The following KIRREL3 variants were observed in gnomAD, a reference collection of about 807,000 sequenced individuals.
KIRREL3 encodes kin of IRRE-like protein 3.
Under a neutral mutation model 89.7 loss-of-function variants are expected in KIRREL3, and 36 were observed. That is an observed-to-expected ratio of 0.40 (90% CI 0.31 to 0.53). The LOEUF (loss-of-function observed/expected upper bound fraction) is 0.53, where lower values mean the gene tolerates loss of function less well. Among genes scored for constraint, KIRREL3 ranks in the 20% least tolerant of loss-of-function variants. KIRREL3 has a pLI of 0.49. For synonymous variants in KIRREL3, 445 were observed against 441.4 expected (o/e 1.01, Z -0.10); for missense variants, 864 against 1,056.6 (o/e 0.82, Z 2.53).
chr11:126,889,720 G>A (rs1945837886), intron 1 of KIRREL3, among the ~76,000 whole-genome samples: 1 of 152,144 alleles, frequency 6.6e-6, no homozygotes. Context: ...TTGTAGACAA[G>A]GAGAACTCAC....
chr11:126,686,616 G>C lies in KIRREL3; in HGVS notation c.56-123704C>G, dbSNP rs527904709. On this transcript the variant is annotated intron_variant, in intron 1 of 16. Transcript: ENST00000525144. The surrounding 1 kb of genome is among the most constrained non-coding windows in gnomAD (Gnocchi z 4.7). ...TAATTTTGAGACAGAGTCTCACTGTGTGGCACAGGCTGGAGTGCAGTGGCG... is the reference window on the plus strand; with the variant it reads ...TAATTTTGAGACAGAGTCTCACTGTCTGGCACAGGCTGGAGTGCAGTGGCG... Among the ~76,000 whole-genome samples the C allele has an allele frequency of 6.6e-6, 1 of 152,274 alleles. No individual in the cohort carries two copies. The highest frequency in any genetic ancestry group is 1.9e-4 in the East Asian group (1 of 5,172).
chr11:126,590,059 A>G (rs1161647650), intron 1 of KIRREL3, among the ~76,000 whole-genome samples: 1 of 152,204 alleles, frequency 6.6e-6, no homozygotes, highest in African/African-American at 2.4e-5. Context: ...TCTGGCTTTC[A>G]TTGTTGAGCA....
In KIRREL3 at chr11:126,898,249, A is replaced by C. The variant is rs1427450175; in HGVS notation, c.55+102206T>G. Among the ~76,000 whole-genome samples the C allele has an allele frequency of 6.6e-6, 1 of 152,212 alleles. No individual in the cohort carries two copies. The highest frequency in any genetic ancestry group is 1.5e-5 in the Non-Finnish European group (1 of 68,044). ...TATGCCAATTAGGTTAGCAAGAATT[A>C]GAAAACTGAAGGATACCAAGGACTG... is the stretch of plus-strand genomic sequence containing the variant. On this transcript the variant is annotated intron_variant, in intron 1 of 16. Transcript: ENST00000525144. The surrounding 1 kb of genome is among the most constrained non-coding windows in gnomAD (Gnocchi z 4.9).
At chr11:126,567,051 G>A (rs1940570035) in intron 1 of KIRREL3, among the ~76,000 whole-genome samples, 1 of 152,220 alleles carries the variant, frequency 6.6e-6, no homozygotes, top group Non-Finnish European at 1.5e-5. Flanking sequence ...AGACAGACCA[G>A]AGACTAGAGC....
chr11:126,533,179 A>G (rs973169255), intron 2 of KIRREL3, among the ~76,000 whole-genome samples: 1 of 152,218 alleles, frequency 6.6e-6, no homozygotes, highest in East Asian at 1.9e-4. Flanking sequence ...TTGACTCACT[A>G]AAGAGTCCTA....
At chr11:126,448,778 G>C (rs1414709519) in intron 8 of KIRREL3, among the ~76,000 whole-genome samples, 1 of 152,174 alleles carries the variant, frequency 6.6e-6, no homozygotes, top group Non-Finnish European at 1.5e-5. Flanking sequence ...CGAGTCTATG[G>C]TAACGTGTCA....
chr11:126,601,602 G>A lies in KIRREL3; in HGVS notation c.56-38690C>T, dbSNP rs190220782. On this transcript the variant is annotated intron_variant, in intron 1 of 16. Coordinates refer to ENST00000525144, the MANE Select transcript of KIRREL3 (RefSeq NM_032531.4). This position sits in a 1 kb window ranked among gnomAD's most constrained non-coding sequence, Gnocchi z 5.8. ...CAGAAGTCTTCTACCTCAACACTCC[G>A]CCAGGTTTTCTCCTTATGGCACCTG... is the stretch of plus-strand genomic sequence containing the variant. 2.0e-5 allele frequency among the ~76,000 whole-genome samples: 3 copies of A among 152,220 alleles called. No individual in the cohort carries two copies. The highest frequency in any genetic ancestry group is 4.4e-5 in the Non-Finnish European group (3 of 68,014).
In KIRREL3 at chr11:126,611,164, G is replaced by A. The variant is rs1328537336; in HGVS notation, c.56-48252C>T. Among the ~76,000 whole-genome samples, 3 of 152,168 alleles carry A rather than the reference G, an allele frequency of 2.0e-5. No homozygotes were observed. The highest frequency in any genetic ancestry group is 7.2e-5 in the African/African-American group (3 of 41,426). On this transcript the variant is annotated intron_variant, in intron 1 of 16. Transcript: ENST00000525144. This position sits in a 1 kb window ranked among gnomAD's most constrained non-coding sequence, Gnocchi z 4.7. ...GTCACAAAGACCTAATCTGGGAGGT[G>A]GGAATAGTCATAGAAAAAGGATCGT...
rs1048856234 is a variant in KIRREL3, at chr11:126,989,214, T to A, written c.55+11241A>T. On this transcript the variant is annotated intron_variant, in intron 1 of 16. Coordinates refer to ENST00000525144, the MANE Select transcript of KIRREL3 (RefSeq NM_032531.4). This position sits in a 1 kb window ranked among gnomAD's most constrained non-coding sequence, Gnocchi z 6.2. ...TGCAAAACTTATGCAAAAAGTTTTC[T>A]TTTCTACAAGAGATGCTGAAGAAGT... is the stretch of plus-strand genomic sequence containing the variant. Among the ~76,000 whole-genome samples the A allele has an allele frequency of 6.6e-6, 1 of 152,186 alleles. No individual in the cohort carries two copies. The highest frequency in any genetic ancestry group is 1.5e-5 in the Non-Finnish European group (1 of 68,024).
At chr11:126,798,899 G>C (rs1396902594) in intron 1 of KIRREL3, among the ~76,000 whole-genome samples, 1 of 152,216 alleles carries the variant, frequency 6.6e-6, no homozygotes, top group Non-Finnish European at 1.5e-5. Context: ...CTCAGTTTCT[G>C]CATCTGCAAA....
At position 126,459,624 on chromosome 11, in the gene KIRREL3, T is replaced by A. The variant is rs1372127441; in HGVS notation, c.743-3170A>T. On this transcript the variant is annotated intron_variant, in intron 6 of 16. Coordinates refer to ENST00000525144, the MANE Select transcript of KIRREL3 (RefSeq NM_032531.4). This position sits in a 1 kb window ranked among gnomAD's most constrained non-coding sequence, Gnocchi z 4.8. ...TCACTTGTGATGTCGGCAGCATAAC[T>A]TGCAGGAGGGCAGCTTTGATGTAGC... Among the ~76,000 whole-genome samples, 1 of 152,220 alleles carries A rather than the reference T, an allele frequency of 6.6e-6. No homozygotes were observed. Among genetic ancestry groups the A allele is most frequent in the Non-Finnish European group, 1.5e-5 (1 of 68,044 alleles).
rs940766889 is a variant in KIRREL3 at position 126,519,875 on chromosome 11, C to G, written c.433+1440G>C. Among the ~76,000 whole-genome samples, 5 of 152,204 alleles carry G rather than the reference C, an allele frequency of 3.3e-5. No individual in the cohort carries two copies. Among genetic ancestry groups the G allele is most frequent in the African/African-American group, 1.2e-4 (5 of 41,456 alleles). On this transcript the variant is annotated intron_variant, in intron 4 of 16. Coordinates refer to ENST00000525144, the MANE Select transcript of KIRREL3 (RefSeq NM_032531.4). The surrounding 1 kb of genome is among the most constrained non-coding windows in gnomAD (Gnocchi z 4.3). Reference sequence around the variant, plus strand: ...CTTGGGAGAAATGAGAACGGCGCTGCTGCCTTTAATACCCCAATTACTCCT... The same window carrying G: ...CTTGGGAGAAATGAGAACGGCGCTGGTGCCTTTAATACCCCAATTACTCCT...
rs534758882 is a variant in KIRREL3, at chr11:126,964,786, T to G, written c.55+35669A>C. 3.1e-4 allele frequency among the ~76,000 whole-genome samples: 47 copies of G among 152,302 alleles called. 1 individual carries two copies. In the South Asian group the frequency reaches 8.3e-3, roughly 27 times the overall value. On this transcript the variant is annotated intron_variant, in intron 1 of 16. Coordinates refer to ENST00000525144, the MANE Select transcript of KIRREL3 (RefSeq NM_032531.4). ...GATTTATTGACCCAAGAGGTAAATA[T>G]TGATGGAGGCTCAGGAGGTCAATAT...
At chr11:126,451,218 GGTGT>G (rs757905732) in intron 7 of KIRREL3, among the ~76,000 whole-genome samples, 3 of 139,446 alleles carry the variant, frequency 2.2e-5, no homozygotes, top group Non-Finnish European at 4.7e-5. Flanking sequence ...TGCATGTGTG[GGTGT>G]GTGTATGCAT....
Position 126,563,491 on chromosome 11 carries a change from G to T in KIRREL3, c.56-579C>A, listed in dbSNP as rs1488962989. 6.6e-6 allele frequency among the ~76,000 whole-genome samples: 1 copy of T among 152,172 alleles called. No individual in the cohort carries two copies. Among genetic ancestry groups the T allele is most frequent in the South Asian group, 2.1e-4 (1 of 4,828 alleles). ...AGAAGAGCTCTCTCTACCTTTTGGA[G>T]AGGGTGCGTTTCTGGTGCTAGAGAT... is the stretch of plus-strand genomic sequence containing the variant. On this transcript the variant is annotated intron_variant, in intron 1 of 16. Coordinates refer to ENST00000525144, the MANE Select transcript of KIRREL3 (RefSeq NM_032531.4). The surrounding 1 kb of genome is among the most constrained non-coding windows in gnomAD (Gnocchi z 6.8).
At chr11:126,958,094 G>A (rs1948976024) in intron 1 of KIRREL3, among the ~76,000 whole-genome samples, 1 of 152,194 alleles carries the variant, frequency 6.6e-6, no homozygotes. Context: ...GTTACTAAAA[G>A]AGTTAAAGGA....
At chr11:126,735,024 T>C (rs1308654892) in intron 1 of KIRREL3, among the ~76,000 whole-genome samples, 2 of 152,138 alleles carry the variant, frequency 1.3e-5, no homozygotes, top group Non-Finnish European at 2.9e-5. Context: ...AACGGGGCGT[T>C]TACCCATCCT....
intron 1 of KIRREL3, among the ~76,000 whole-genome samples, chr11:126,693,278 G>C (rs1276468491): frequency 6.6e-6 from 1 of 152,092 alleles, no homozygotes; most frequent in African/African-American, 2.4e-5. Flanking sequence ...AAAATTAGCC[G>C]GGCGTGGTGG....
chr11:126,448,604 C>T (rs1046290671), intron 8 of KIRREL3, among the ~76,000 whole-genome samples: 5 of 152,154 alleles, frequency 3.3e-5, no homozygotes, highest in African/African-American at 7.2e-5. Flanking sequence ...GTGGAGCCCT[C>T]GTGATGAGAT....
Sources: allele counts gnomAD v4.1 joint callset (sites outside exome capture counted in the v4.1 genomes callset), GRCh38; gene constraint gnomAD v4.1.1; non-coding constraint Gnocchi (gnomAD v3.1); transcripts MANE v1.5; gene names NCBI Gene and HGNC (gene_info 2026-07-23, HGNC 2026-07-21).